The following REV3L variants were observed in gnomAD, a reference collection of about 807,000 sequenced individuals.
The protein encoded by REV3L is REV3 like, DNA directed polymerase zeta catalytic subunit.
Under a neutral mutation model 299.4 loss-of-function variants are expected in REV3L, and 69 were observed. The observed-to-expected ratio is 0.23, with a 90% CI of 0.19 to 0.28. The LOEUF is 0.28. Ranked by LOEUF, REV3L falls within the 10% of genes least tolerant of loss-of-function variation. The pLI is 1.00. For missense variants in REV3L, 3,128 were observed against 3,693.8 expected (o/e 0.85, Z 3.97); for synonymous variants, 1,238 against 1,271.4 (o/e 0.97, Z 0.56).
At chr6:111,307,320 C>G (rs1399448054) in intron 31 of REV3L, 41 bp downstream of exon 31, 1 of 1,535,676 alleles carries the variant, frequency 6.5e-7, no homozygotes, top group Non-Finnish European at 9.0e-7. Context: ...CCTGTAAGAT[C>G]AGACTGCTTG....
chr6:111,433,703 G>A (rs1787207272), intron 1 of REV3L, among the ~76,000 whole-genome samples: 1 of 152,106 alleles, frequency 6.6e-6, no homozygotes, highest in South Asian at 2.1e-4. Flanking sequence ...CTCATTCTAT[G>A]AGACCAGCAT....
At chr6:111,313,604 T>G in intron 27 of REV3L, 115 bp from the exon 28 acceptor site, 1 of 1,080,976 alleles carries the variant, frequency 9.3e-7, no homozygotes. Context: ...AAAAATTCTA[T>G]ATATGACTTT....
chr6:111,389,264 A>G, intron 6 of REV3L, 54 bp from the exon 7 acceptor site: 2 of 1,303,554 alleles, frequency 1.5e-6, no homozygotes, highest in Admixed American at 4.1e-5. Flanking sequence ...AAATGCCTAA[A>G]AAATCTAAAC....
intron 21 of REV3L, among the ~76,000 whole-genome samples, chr6:111,337,425 AATG>A (rs745610177): frequency 4.6e-5 from 7 of 152,266 alleles, no homozygotes; most frequent in Non-Finnish European, 7.4e-5. Context: ...GCTATTGTAT[AATG>A]ATAACATATT....
At chr6:111,472,000 A>G in intron 1 of REV3L, 1 of 1,196,914 alleles carries the variant, frequency 8.4e-7, no homozygotes, top group Non-Finnish European at 1.1e-6. Context: ...ATTAACCAAA[A>G]TAAATTACTT....
At chr6:111,308,750 C>T (rs1017453899) in intron 30 of REV3L, among the ~76,000 whole-genome samples, 7 of 152,156 alleles carry the variant, frequency 4.6e-5, no homozygotes, top group South Asian at 2.1e-4. Context: ...GCTTATTCTA[C>T]GTTATTTGCG....
chr6:111,353,575 G>A (rs928298226), intron 18 of REV3L: 1 of 152,058 alleles, frequency 6.6e-6, no homozygotes, highest in Non-Finnish European at 1.5e-5. Context: ...AAACTTGTTA[G>A]GAGAAAAAGA....
chr6:111,391,637 A>G (rs1381850033), intron 5 of REV3L, among the ~76,000 whole-genome samples: 1 of 152,226 alleles, frequency 6.6e-6, no homozygotes, highest in African/African-American at 2.4e-5. Flanking sequence ...ATTTCTCAAT[A>G]TAGATTGTCA....
At chr6:111,311,308 G>A in intron 28 of REV3L, 49 bp from the exon 29 acceptor site, 5 of 1,408,598 alleles carry the variant, frequency 3.5e-6, no homozygotes, top group Non-Finnish European at 3.9e-6. Context: ...CTCCTAGTAT[G>A]TTTCACCATT....
rs750915432 is a variant in REV3L at position 111,367,894 on chromosome 6, G to T, written c.5894C>A (p.Pro1965Gln). The T allele has an allele frequency of 3.1e-6, 5 of 1,614,058 alleles. No homozygotes were observed. Among genetic ancestry groups the T allele is most frequent in the Non-Finnish European group, 4.2e-6 (5 of 1,180,004 alleles). The change falls in exon 14 of 32, where the codon CCA (proline) becomes CAA (glutamine). Residue 1965 changes from proline to glutamine, a missense_variant. By Grantham distance (76) the Pro-to-Gln change is moderately conservative. Coordinates refer to ENST00000368802, the MANE Select transcript of REV3L (RefSeq NM_001372078.1). ...TTGGCCACTGCGAAGGGGTGACCCT[G>T]GCCTTGGATTCTGAGTCATTGCTGA... ...AFSAMTQNPR[P>Q]GSPLRSGQGV...
chr6:111,483,318 G>A, upstream of REV3L: 1 of 487,486 alleles, frequency 2.1e-6, no homozygotes, highest in Non-Finnish European at 3.6e-6. Flanking sequence ...GGAGCGAGAG[G>A]GCGGGCGCCC....
At chr6:111,328,748 G>A (rs1013495688) in intron 25 of REV3L, among the ~76,000 whole-genome samples, 1 of 152,082 alleles carries the variant, frequency 6.6e-6, no homozygotes, top group Non-Finnish European at 1.5e-5. Flanking sequence ...TGAATGAACA[G>A]GCATTCATTT....
chr6:111,320,157 C>T (rs991711363), intron 26 of REV3L, among the ~76,000 whole-genome samples: 2 of 151,952 alleles, frequency 1.3e-5, no homozygotes, highest in African/African-American at 2.4e-5. Flanking sequence ...CAACCTCTGC[C>T]TCCCGGGTTC....
intron 1 of REV3L, among the ~76,000 whole-genome samples, chr6:111,427,559 AAAG>A (rs1362627691): frequency 1.3e-5 from 2 of 152,192 alleles, no homozygotes; most frequent in Non-Finnish European, 2.9e-5. Flanking sequence ...CCAAGGCCAC[AAAG>A]AAGTGAAAAA....
intron 1 of REV3L, among the ~76,000 whole-genome samples, chr6:111,472,995 C>T (rs1792432189): frequency 6.6e-6 from 1 of 152,186 alleles, no homozygotes; most frequent in Non-Finnish European, 1.5e-5. Context: ...TACAAGTTAA[C>T]ACAATTTCAC....
At chr6:111,344,359 A>AC (rs3831835) in intron 20 of REV3L, among the ~76,000 whole-genome samples, 2 of 151,978 alleles carry the variant, frequency 1.3e-5, no homozygotes, top group African/African-American at 2.4e-5. Flanking sequence ...ATATTGACAG[A>AC]AGCATTGTCA....
At chr6:111,448,675 C>A (rs1367321491) in intron 1 of REV3L, among the ~76,000 whole-genome samples, 1 of 151,538 alleles carries the variant, frequency 6.6e-6, no homozygotes, top group Non-Finnish European at 1.5e-5. Flanking sequence ...GGCTGGAGTG[C>A]CATGGCACAA....
Position 111,376,622 on chromosome 6 carries a change from T to A in REV3L, c.1733A>T (p.Gln578Leu). 1 of 1,613,320 alleles carries A rather than the reference T, an allele frequency of 6.2e-7. No individual in the cohort carries two copies. The highest frequency in any genetic ancestry group is 8.5e-7 in the Non-Finnish European group (1 of 1,179,880). The part of the protein sequence containing the change: ...EPSSSAKITF[Q>L]CKHTSALSSH... ...AGAAAGGGCACTTGTGTGTTTACAC[T>A]GAAAGGTAATCTTAGCAGAAGATGA... The change falls in exon 13 of 32, where the codon CAG becomes CTG. Residue 578 changes from glutamine to leucine, a missense_variant. Physicochemically the swap from Gln to Leu is moderately radical, Grantham distance 113. Coordinates refer to ENST00000368802, the MANE Select transcript of REV3L (RefSeq NM_001372078.1).
intron 6 of REV3L, 60 bp from the exon 7 acceptor site, chr6:111,389,270 T>C: frequency 1.6e-6 from 2 of 1,241,990 alleles, no homozygotes; most frequent in South Asian, 2.6e-5. Flanking sequence ...CTAAAAAATC[T>C]AAACTTTTCT....
Sources: allele counts gnomAD v4.1 joint callset (sites outside exome capture counted in the v4.1 genomes callset), GRCh38; gene constraint gnomAD v4.1.1; transcripts MANE v1.5; gene names NCBI Gene and HGNC (gene_info 2026-07-23, HGNC 2026-07-21).